The following OR5V1 variants were observed in gnomAD, a reference collection of about 807,000 sequenced individuals.
OR5V1 encodes olfactory receptor 5V1.
For synonymous variants in OR5V1, 134 were observed against 143.2 expected (o/e 0.94, Z 0.46); for missense variants, 365 against 371.5 (o/e 0.98, Z 0.14).
At chr6:29,368,422 A>C (rs1486333879) in intron 1 of OR5V1, among the ~76,000 whole-genome samples, 1 of 152,174 alleles carries the variant, frequency 6.6e-6, no homozygotes, top group African/African-American at 2.4e-5. Flanking sequence ...CCAAAATGAA[A>C]GAAGCTTCCT....
intron 1 of OR5V1, among the ~76,000 whole-genome samples, chr6:29,360,521 T>C (rs1193721503): frequency 1.3e-5 from 2 of 152,140 alleles, no homozygotes; most frequent in Admixed American, 6.5e-5. Flanking sequence ...AGACACCTCA[T>C]AGAGGAGAGT....
At position 29,356,156 on chromosome 6, in the gene OR5V1, T is replaced by C; in HGVS notation, c.40A>G (p.Ile14Val). Residue 14 changes from isoleucine (I) to valine (V), a missense_variant, in exon 2 of 2, where the codon ATC becomes GTC. Transcript: ENST00000641768. ...TCATTTAGGTTGGAGAATCCCAAGATGATGAATTCAGTTATAGCTGTTTGA... is the reference window on the plus strand; with the variant it reads ...TCATTTAGGTTGGAGAATCCCAAGACGATGAATTCAGTTATAGCTGTTTGA... ...KNQTAITEFI[I>V]LGFSNLNELQ... 2.5e-6 allele frequency: 4 copies of C among 1,604,278 alleles called. No individual in the cohort carries two copies. Among genetic ancestry groups the C allele is most frequent in the Non-Finnish European group, 3.4e-6 (4 of 1,176,504 alleles).
chr6:29,368,385 G>C, intron 1 of OR5V1, among the ~76,000 whole-genome samples: 1 of 152,040 alleles, frequency 6.6e-6, no homozygotes, highest in East Asian at 1.9e-4. Flanking sequence ...ACCAGCAGAG[G>C]GCTATTCTGA....
Position 29,356,028 on chromosome 6 carries a change from AT to A in OR5V1, c.167del (p.His56LeufsTer8). ...TCCCTAGAAAATAATACATAGGTGT[AT>A]GCAGGTGTGGATCAGTCACAGTCGT... ...ILTTVTDPHLHTPMYYFLGNL... is the reference protein window; with the variant it reads ...ILTTVTDPHLXTPMYYFLGNL... On this transcript the variant is annotated frameshift_variant, in exon 2 of 2. Coordinates refer to ENST00000641768, the MANE Select transcript of OR5V1 (RefSeq NM_030876.6). LOFTEE classifies it low-confidence loss of function (END_TRUNC). The A allele has an allele frequency of 6.2e-7, 1 of 1,614,088 alleles. No homozygotes were observed. The highest frequency in any genetic ancestry group is 8.5e-7 in the Non-Finnish European group (1 of 1,179,966).
chr6:29,360,876 T>G (rs1778535423), intron 1 of OR5V1, among the ~76,000 whole-genome samples: 1 of 152,084 alleles, frequency 6.6e-6, no homozygotes, highest in Non-Finnish European at 1.5e-5. Flanking sequence ...GAAAAATGTC[T>G]TTTCTCCAAA....
In OR5V1 at chr6:29,356,040, A is replaced by G; in HGVS notation, c.156T>C (p.Asp52=). 1 of 1,614,082 alleles carries G rather than the reference A, an allele frequency of 6.2e-7. No individual in the cohort carries two copies. The highest frequency in any genetic ancestry group is 1.1e-5 in the South Asian group (1 of 91,084). ...AATACATAGGTGTATGCAGGTGTGG[A>G]TCAGTCACAGTCGTCAAGATAATTA... is the stretch of plus-strand genomic sequence containing the variant. The part of the protein sequence containing the change: ...NILIILTTVT[D]PHLHTPMYYF... The change falls in exon 2 of 2, where the codon GAT becomes GAC. Residue 52 remains aspartate, a synonymous_variant. Coordinates refer to ENST00000641768, the MANE Select transcript of OR5V1 (RefSeq NM_030876.6).
chr6:29,357,506 T>C (rs938364984), intron 1 of OR5V1, among the ~76,000 whole-genome samples: 13 of 152,190 alleles, frequency 8.5e-5, no homozygotes, highest in Non-Finnish European at 1.9e-4. Flanking sequence ...CCTACGTTCA[T>C]ACAACTGAAT....
rs140467518 is a variant in OR5V1, at chr6:29,355,296, A to G, written c.900T>C (p.Ala300=). Residue 300 remains alanine (A), a synonymous_variant, in exon 2 of 2, where the codon GCT becomes GCC. Transcript: ENST00000641768. The part of the protein sequence containing the change: ...YTLRNKDIKE[A]VKTIGSKWQP... ...GCCACTTGCTCCCTATAGTTTTGAC[A>G]GCTTCTTTGATGTCCTTATTCCTCA... The G allele has an allele frequency of 1.2e-6, 2 of 1,613,216 alleles. No individual in the cohort carries two copies. The highest frequency in any genetic ancestry group is 1.7e-6 in the Non-Finnish European group (2 of 1,179,656).
At chr6:29,358,257 A>G (rs1778408941) in intron 1 of OR5V1, among the ~76,000 whole-genome samples, 1 of 151,956 alleles carries the variant, frequency 6.6e-6, no homozygotes, top group Non-Finnish European at 1.5e-5. Flanking sequence ...CTTTTTTAAC[A>G]TTTCCTTCCA....
At chr6:29,368,360 A>G (rs1002308121) in intron 1 of OR5V1, among the ~76,000 whole-genome samples, 7 of 152,178 alleles carry the variant, frequency 4.6e-5, no homozygotes, top group Non-Finnish European at 1.0e-4. Flanking sequence ...CCTTTATTTA[A>G]TAAAAAATCG....
Position 29,354,902 on chromosome 6 carries a change from T to A in OR5V1, c.*328A>T, listed in dbSNP as rs957846565. 4.6e-6 allele frequency: 1 copy of A among 217,474 alleles called. No individual in the cohort carries two copies. The highest frequency in any genetic ancestry group is 2.3e-5 in the African/African-American group (1 of 44,004). The allele number at this position is 217,474 out of a possible 1,614,324, so 13.5% of individuals were successfully genotyped here. On this transcript the variant is annotated 3_prime_UTR_variant, in exon 2 of 2. Transcript: ENST00000641768. Reference sequence around the variant, plus strand: ...GAATGTGAAGAAAAATATTTCACATTATTTAATATACAGAAAGCAATATGA... The same window carrying A: ...GAATGTGAAGAAAAATATTTCACATAATTTAATATACAGAAAGCAATATGA...
At chr6:29,357,005 A>T (rs1778346818) in intron 1 of OR5V1, among the ~76,000 whole-genome samples, 2 of 152,152 alleles carry the variant, frequency 1.3e-5, no homozygotes, top group Non-Finnish European at 1.5e-5. Context: ...TTTTGATATG[A>T]TAAATTTCAA....
chr6:29,355,346 TG>T lies in OR5V1; in HGVS notation c.849del (p.Met284CysfsTer2). 6.2e-7 allele frequency: 1 copy of T among 1,614,006 alleles called. No homozygotes were observed. The highest frequency in any genetic ancestry group is 8.5e-7 in the Non-Finnish European group (1 of 1,179,896). On this transcript the variant is annotated frameshift_variant, in exon 2 of 2. Coordinates refer to ENST00000641768, the MANE Select transcript of OR5V1 (RefSeq NM_030876.6). LOFTEE classifies it low-confidence loss of function (END_TRUNC). ...AATGTGTAAATTATAGGGTTTAGCA[TG>T]GGGGTAACAACACTGTACAACACTG... ...LVSVLYSVVT[P>X]MLNPIIYTLR...
At chr6:29,357,377 A>G (rs938394047) in intron 1 of OR5V1, among the ~76,000 whole-genome samples, 4 of 152,170 alleles carry the variant, frequency 2.6e-5, no homozygotes, top group African/African-American at 7.2e-5. Flanking sequence ...GGTAAAAAAA[A>G]GGTAGGTTTA....
At chr6:29,362,781 A>G (rs1276964265) in intron 1 of OR5V1, among the ~76,000 whole-genome samples, 4 of 152,162 alleles carry the variant, frequency 2.6e-5, no homozygotes, top group Non-Finnish European at 5.9e-5. Flanking sequence ...CTATAATCTC[A>G]GGGACACAGC....
At position 29,356,123 on chromosome 6, in the gene OR5V1, A is replaced by G. The variant is rs1394592476; in HGVS notation, c.73T>C (p.Phe25Leu). Residue 25 changes from phenylalanine (F) to leucine (L), a missense_variant, in exon 2 of 2, where the codon TTT becomes CTT. Phe to Leu is a conservative substitution (Grantham distance 22, BLOSUM62 0). Transcript: ENST00000641768. Reference sequence around the variant, plus strand: ...AGAAAGAAGATGGTGAATAGTAAAAACTGCAATTCATTTAGGTTGGAGAAT... The same window carrying G: ...AGAAAGAAGATGGTGAATAGTAAAAGCTGCAATTCATTTAGGTTGGAGAAT... ...LGFSNLNELQ[F>L]LLFTIFFLTY... is the part of the protein sequence containing the mutation. 6.2e-7 allele frequency: 1 copy of G among 1,612,476 alleles called. No individual in the cohort carries two copies. The highest frequency in any genetic ancestry group is 1.7e-5 in the Admixed American group (1 of 59,734).
In OR5V1 at chr6:29,355,902, C is replaced by T. The variant is rs1041319295; in HGVS notation, c.294G>A (p.Val98=). 6.2e-7 allele frequency: 1 copy of T among 1,614,042 alleles called. No individual in the cohort carries two copies. Among genetic ancestry groups the T allele is most frequent in the Non-Finnish European group, 8.5e-7 (1 of 1,179,972 alleles). ...KKKSISYVGC[V]VQLFAFVFFV... ...AGAAAACAAATGCAAAAAGTTGAAC[C>T]ACACACCCCACATAAGAAATGCTTT... is the stretch of plus-strand genomic sequence containing the variant. Residue 98 remains valine (V), a synonymous_variant, in exon 2 of 2, where the codon GTG becomes GTA. Transcript: ENST00000641768.
chr6:29,355,653 G>T lies in OR5V1; in HGVS notation c.543C>A (p.Ile181=). ...CACAAGACAAGATCAGCAAAGGGGG[G>T]ATGTCACAGAAGAAGTAATTAATCT... ...NNQINYFFCD[I]PPLLILSCGN... Residue 181 remains isoleucine (I), a synonymous_variant, in exon 2 of 2, where the codon ATC becomes ATA. Coordinates refer to ENST00000641768, the MANE Select transcript of OR5V1 (RefSeq NM_030876.6). 1.2e-6 allele frequency: 2 copies of T among 1,614,012 alleles called. No homozygotes were observed. The highest frequency in any genetic ancestry group is 8.5e-7 in the Non-Finnish European group (1 of 1,179,922).
At position 29,355,720 on chromosome 6, in the gene OR5V1, T is replaced by G; in HGVS notation, c.476A>C (p.His159Pro). The G allele has an allele frequency of 1.2e-6, 2 of 1,614,032 alleles. No individual in the cohort carries two copies. Among genetic ancestry groups the G allele is most frequent in the Non-Finnish European group, 1.7e-6 (2 of 1,179,958 alleles). The change falls in exon 2 of 2, where the codon CAT (histidine) becomes CCT (proline). Residue 159 changes from histidine (H) to proline (P), a missense_variant. By Grantham distance (77) the His-to-Pro change is moderately conservative. Coordinates refer to ENST00000641768, the MANE Select transcript of OR5V1 (RefSeq NM_030876.6). ...GGGCAGGCAGAATGTCAACACTGTA[T>G]GCACCACTGAGTTAAGGAAACCAGC... ...WAAGFLNSVV[H>P]TVLTFCLPFC... is the part of the protein sequence containing the mutation.
Sources: allele counts gnomAD v4.1 joint callset (sites outside exome capture counted in the v4.1 genomes callset), GRCh38; gene constraint gnomAD v4.1.1; transcripts MANE v1.5; gene names NCBI Gene and HGNC (gene_info 2026-07-23, HGNC 2026-07-21).